Variants in PPM1E observed in about 807,000 individuals in gnomAD.
PPM1E encodes the protein protein phosphatase 1E.
PPM1E carries 20 observed loss-of-function variants against 65.9 expected under a neutral mutation model. The observed-to-expected ratio is 0.30, with a 90% confidence interval of 0.21 to 0.44. The LOEUF is 0.44. Ranked by LOEUF, PPM1E falls within the 20% of genes least tolerant of loss-of-function variation. The pLI is 1.00. For missense variants in PPM1E, 713 were observed against 953.1 expected (o/e 0.75, Z 3.32); for synonymous variants, 352 against 374.9 (o/e 0.94, Z 0.70).
chr17:58,946,483 A>C (rs890236451), intron 1 of PPM1E, among the ~76,000 whole-genome samples: 3 of 152,186 alleles, frequency 2.0e-5, no homozygotes, highest in Non-Finnish European at 2.9e-5. Context: ...GTTTTGAGAC[A>C]GGGTCTCTCT....
intron 1 of PPM1E, among the ~76,000 whole-genome samples, chr17:58,946,566 C>G (rs1355139635): frequency 6.6e-6 from 1 of 152,132 alleles, no homozygotes; most frequent in African/African-American, 2.4e-5. Flanking sequence ...AGCGATCTTC[C>G]TGCCTCAGCC....
At chr17:58,791,557 A>T (rs2144249117) in intron 1 of PPM1E, among the ~76,000 whole-genome samples, 1 of 152,308 alleles carries the variant, frequency 6.6e-6, no homozygotes, top group African/African-American at 2.4e-5. Flanking sequence ...GAATTACTTT[A>T]TTAACAGCAA....
intron 1 of PPM1E, among the ~76,000 whole-genome samples, chr17:58,848,920 G>A (rs2050797609): frequency 6.6e-6 from 1 of 152,096 alleles, no homozygotes; most frequent in Non-Finnish European, 1.5e-5. Context: ...TTTTTGGTTG[G>A]TAGGCTATTA....
intron 1 of PPM1E, among the ~76,000 whole-genome samples, chr17:58,947,110 G>GTTT (rs56666470): frequency 4.5e-5 from 2 of 44,072 alleles, no homozygotes; most frequent in Non-Finnish European, 7.5e-5. Flanking sequence ...CCTTTTTCCT[G>GTTT]TTTTTTTTTT....
chr17:58,772,149 T>C (rs544469143), intron 1 of PPM1E, among the ~76,000 whole-genome samples: 1 of 152,206 alleles, frequency 6.6e-6, no homozygotes, highest in East Asian at 1.9e-4. Flanking sequence ...CTGTACAGTA[T>C]ACTGATTAGA....
At chr17:58,801,465 G>T in intron 1 of PPM1E, among the ~76,000 whole-genome samples, 4 of 138,874 alleles carry the variant, frequency 2.9e-5, no homozygotes, top group East Asian at 2.1e-4. Context: ...TTTTTGAGGT[G>T]GAGTCTCTTT....
At chr17:58,798,910 T>A (rs1210314934) in intron 1 of PPM1E, among the ~76,000 whole-genome samples, 1 of 152,020 alleles carries the variant, frequency 6.6e-6, no homozygotes, top group Non-Finnish European at 1.5e-5. Context: ...GCCAGGCTGG[T>A]GTCAAACTTT....
intron 1 of PPM1E, among the ~76,000 whole-genome samples, chr17:58,768,013 C>T (rs1442918247): frequency 6.6e-6 from 1 of 151,922 alleles, no homozygotes; most frequent in Admixed American, 6.6e-5. Context: ...TGCAGTGGTG[C>T]GATCTTGGCT....
chr17:58,854,238 TTG>T (rs2050858011), intron 1 of PPM1E, among the ~76,000 whole-genome samples: 1 of 152,214 alleles, frequency 6.6e-6, no homozygotes, highest in Non-Finnish European at 1.5e-5. Context: ...CAACTGATTT[TTG>T]TGTGTTGACT....
chr17:58,832,200 T>G (rs779066828), intron 1 of PPM1E, among the ~76,000 whole-genome samples: 7 of 152,152 alleles, frequency 4.6e-5, no homozygotes, highest in Non-Finnish European at 8.8e-5. Flanking sequence ...CTCTATTTGA[T>G]CCTCAGAAAA....
intron 1 of PPM1E, among the ~76,000 whole-genome samples, chr17:58,904,750 A>G (rs2051536391): frequency 6.6e-6 from 1 of 150,916 alleles, no homozygotes; most frequent in African/African-American, 2.4e-5. Context: ...TACATGTTTC[A>G]TTTTGGGGGG....
At chr17:58,821,712 C>G (rs761440736) in intron 1 of PPM1E, among the ~76,000 whole-genome samples, 6 of 152,076 alleles carry the variant, frequency 3.9e-5, no homozygotes, top group Non-Finnish European at 8.8e-5. Context: ...GAGTAATAAC[C>G]GAAGTCTTCT....
intron 1 of PPM1E, among the ~76,000 whole-genome samples, chr17:58,879,166 T>G (rs2051160960): frequency 6.6e-6 from 1 of 151,986 alleles, no homozygotes; most frequent in Non-Finnish European, 1.5e-5. Flanking sequence ...TCTCATAGTC[T>G]ATGTCACAAA....
chr17:58,780,433 C>T (rs1052114654), intron 1 of PPM1E, among the ~76,000 whole-genome samples: 3 of 152,068 alleles, frequency 2.0e-5, no homozygotes, highest in Non-Finnish European at 4.4e-5. Context: ...CTGGGGAGGT[C>T]GAGCAGTAGA....
At chr17:58,783,943 T>A (rs991531746) in intron 1 of PPM1E, among the ~76,000 whole-genome samples, 9 of 151,816 alleles carry the variant, frequency 5.9e-5, no homozygotes, top group African/African-American at 1.9e-4. Context: ...ACTCCTGTCC[T>A]CAGGTGATCC....
chr17:58,973,056 T>C, intron 6 of PPM1E, 131 bp downstream of exon 6: 1 of 600,658 alleles, frequency 1.7e-6, no homozygotes, highest in Non-Finnish European at 3.0e-6. Context: ...AAAATAATAA[T>C]TGGATAACGT....
At chr17:58,811,568 T>G (rs190868489) in intron 1 of PPM1E, among the ~76,000 whole-genome samples, 1 of 152,274 alleles carries the variant, frequency 6.6e-6, no homozygotes, top group African/African-American at 2.4e-5. Flanking sequence ...TTAACTGTTA[T>G]GTTAAACTGT....
In PPM1E at chr17:58,956,458, AC is replaced by A. The variant is rs1555622733; in HGVS notation, c.583+692del. Among the ~76,000 whole-genome samples the A allele has an allele frequency of 3.1e-3, 442 of 143,324 alleles. 3 individuals are homozygous for A. The highest frequency in any genetic ancestry group is 2.9e-3 in the Non-Finnish European group (193 of 66,812). 94.0% of individuals were successfully genotyped at this position (143,324 alleles called of 152,430 possible). On this transcript the variant is annotated intron_variant, in intron 2 of 6. Coordinates refer to ENST00000308249, the MANE Select transcript of PPM1E (RefSeq NM_014906.5). ...CTCAAAAAAAAACAAAAAACAAAAA[AC>A]AAAAAAAAAAACCTTAACTTTGTAT... is the stretch of plus-strand genomic sequence containing the variant.
At chr17:58,825,506 G>A (rs1293071734) in intron 1 of PPM1E, among the ~76,000 whole-genome samples, 1 of 146,810 alleles carries the variant, frequency 6.8e-6, no homozygotes, top group Non-Finnish European at 1.5e-5. Flanking sequence ...TAACATTGGT[G>A]TTTTTTTTTT....
Sources: gnomAD v4.1 joint callset for allele counts (sites outside exome capture counted in the v4.1 genomes callset) on GRCh38, gnomAD v4.1.1 for gene constraint, MANE v1.5 for transcripts, NCBI Gene and HGNC (gene_info 2026-07-23, HGNC 2026-07-21) for gene names.